Variants in IMMP2L observed in about 807,000 individuals in gnomAD.
IMMP2L encodes the protein mitochondrial inner membrane protease subunit 2.
IMMP2L carries 18 observed loss-of-function variants against 19.3 expected under a neutral mutation model. The observed-to-expected ratio is 0.93, with a 90% confidence interval of 0.64 to 1.38. The LOEUF (loss-of-function observed/expected upper bound fraction) is 1.38, where lower values mean the gene tolerates loss of function less well. Ranked by LOEUF, IMMP2L falls within the 40% of genes most tolerant of loss-of-function variation. The pLI, the probability that IMMP2L is intolerant of heterozygous loss-of-function variation, is 0.00. For missense variants in IMMP2L, 233 were observed against 218.2 expected (o/e 1.07, Z -0.43); for synonymous variants, 76 against 73.0 (o/e 1.04, Z -0.21).
chr7:110,859,162 A>ATT (rs1476840310), intron 5 of IMMP2L, among the ~76,000 whole-genome samples: 1 of 152,120 alleles, frequency 6.6e-6, no homozygotes, highest in Admixed American at 6.6e-5. Context: ...CCAAGCAAAC[A>ATT]TTTTGTGATA....
intron 3 of IMMP2L, among the ~76,000 whole-genome samples, chr7:111,033,918 C>A (rs371685644): frequency 1.2e-4 from 19 of 152,142 alleles, no homozygotes; most frequent in South Asian, 4.2e-4. Context: ...GAACATTGCT[C>A]AGCTATAAAA....
At chr7:111,525,329 G>T (rs1004358708) in intron 1 of IMMP2L, among the ~76,000 whole-genome samples, 1 of 152,098 alleles carries the variant, frequency 6.6e-6, no homozygotes, top group Admixed American at 6.6e-5. Context: ...ACAGGAAGTG[G>T]AAGAGCACAG....
At chr7:111,322,313 G>A (rs1186152678) in intron 3 of IMMP2L, among the ~76,000 whole-genome samples, 1 of 151,868 alleles carries the variant, frequency 6.6e-6, no homozygotes, top group African/African-American at 2.4e-5. Flanking sequence ...ATTTATTGAG[G>A]TCGAATTGAC....
intron 3 of IMMP2L, among the ~76,000 whole-genome samples, chr7:111,250,603 G>A (rs1028394741): frequency 3.9e-5 from 6 of 151,980 alleles, no homozygotes; most frequent in African/African-American, 7.2e-5. Context: ...AAGACTGCAC[G>A]TCTACAACCA....
chr7:111,177,033 G>GA (rs1035896508), intron 3 of IMMP2L, among the ~76,000 whole-genome samples: 4 of 151,500 alleles, frequency 2.6e-5, no homozygotes, highest in Non-Finnish European at 4.4e-5. Context: ...AAATGTTGAT[G>GA]AAAAAAAAGA....
rs547581796 is a variant in IMMP2L, at chr7:110,757,626, C to T, written c.409-93905G>A. On this transcript the variant is annotated intron_variant, in intron 5 of 5. Coordinates refer to ENST00000405709, the MANE Select transcript of IMMP2L (RefSeq NM_032549.4). This position sits in a 1 kb window ranked among gnomAD's most constrained non-coding sequence, Gnocchi z 4.2. ...GGCCTGTCTACCCATATCTCATATA[C>T]CGGGTTCTATAAGTGCTCCCAGCCC... is the stretch of plus-strand genomic sequence containing the variant. Among the ~76,000 whole-genome samples, 1 of 152,108 alleles carries T rather than the reference C, an allele frequency of 6.6e-6. No homozygotes were observed. The highest frequency in any genetic ancestry group is 2.4e-5 in the African/African-American group (1 of 41,426).
At chr7:111,047,186 GT>G (rs68112726) in intron 3 of IMMP2L, among the ~76,000 whole-genome samples, 24,788 of 149,988 alleles carry the variant, frequency 0.17, 3,465 homozygotes, top group African/African-American at 0.38. Context: ...TTTTTTTTTT[GT>G]TTTTTTTTTG....
chr7:111,208,051 T>C (rs1017182747), intron 3 of IMMP2L, among the ~76,000 whole-genome samples: 4 of 152,166 alleles, frequency 2.6e-5, no homozygotes, highest in African/African-American at 4.8e-5. Flanking sequence ...TATTATTAGC[T>C]TCCAGGATTC....
At chr7:110,811,122 T>C (rs1448980907) in intron 5 of IMMP2L, among the ~76,000 whole-genome samples, 1 of 152,054 alleles carries the variant, frequency 6.6e-6, no homozygotes, top group Non-Finnish European at 1.5e-5. Flanking sequence ...TTGCTTGACA[T>C]GTACTCGGGT....
At chr7:111,183,207 T>C (rs1055688105) in intron 3 of IMMP2L, among the ~76,000 whole-genome samples, 2 of 152,112 alleles carry the variant, frequency 1.3e-5, no homozygotes, top group African/African-American at 4.8e-5. Context: ...ATAAACATTG[T>C]GTTTTTATGA....
rs748450611 is a variant in IMMP2L, at chr7:111,521,430, C to T, written c.18G>A (p.Gly6=). 2 of 1,611,170 alleles carry T rather than the reference C, an allele frequency of 1.2e-6. No homozygotes were observed. The highest frequency in any genetic ancestry group is 1.1e-5 in the South Asian group (1 of 90,818). The part of the protein sequence containing the change: MAQSQ[G]WVKRYIKAFC... Reference sequence around the variant, plus strand: ...AGGCCTTGATGTATCTTTTCACCCACCCTTGTGACTGTGCCATACCTAAAA... The same window carrying T: ...AGGCCTTGATGTATCTTTTCACCCATCCTTGTGACTGTGCCATACCTAAAA... The change falls in exon 2 of 6, where the codon GGG becomes GGA. Residue 6 remains glycine, a synonymous_variant. Transcript: ENST00000405709.
intron 2 of IMMP2L, among the ~76,000 whole-genome samples, chr7:111,491,628 C>T (rs1488122993): frequency 6.6e-6 from 1 of 152,094 alleles, no homozygotes; most frequent in Non-Finnish European, 1.5e-5. Context: ...AGGAATGGAG[C>T]TTTTGTCATC....
chr7:110,761,886 A>G (rs1798369892), intron 5 of IMMP2L, among the ~76,000 whole-genome samples: 1 of 152,178 alleles, frequency 6.6e-6, no homozygotes, highest in Admixed American at 6.6e-5. Flanking sequence ...TCAGGTCTAC[A>G]TAACATACCT....
At chr7:111,420,700 T>G (rs945500469) in intron 3 of IMMP2L, among the ~76,000 whole-genome samples, 1 of 151,616 alleles carries the variant, frequency 6.6e-6, no homozygotes, top group Non-Finnish European at 1.5e-5. Context: ...AATGATGGTT[T>G]CCAGCTTCAG....
In IMMP2L at chr7:110,728,406, C is replaced by T. The variant is rs756782056; in HGVS notation, c.409-64685G>A. 3.3e-5 allele frequency among the ~76,000 whole-genome samples: 5 copies of T among 151,698 alleles called. No homozygotes were observed. Among genetic ancestry groups the T allele is most frequent in the East Asian group, 1.9e-4 (1 of 5,158 alleles). Reference sequence around the variant, plus strand: ...CCCAGCTACTCGGGAGGCTGAGGCACGAGAATCGCTTGAACCTGGGAGGCA... The same window carrying T: ...CCCAGCTACTCGGGAGGCTGAGGCATGAGAATCGCTTGAACCTGGGAGGCA... On this transcript the variant is annotated intron_variant, in intron 5 of 5. Coordinates refer to ENST00000405709, the MANE Select transcript of IMMP2L (RefSeq NM_032549.4). The surrounding 1 kb of genome is among the most constrained non-coding windows in gnomAD (Gnocchi z 4.6).
intron 2 of IMMP2L, among the ~76,000 whole-genome samples, chr7:111,500,558 G>C (rs1298635760): frequency 2.0e-5 from 3 of 152,212 alleles, no homozygotes; most frequent in Non-Finnish European, 4.4e-5. Context: ...GCATCCGCCA[G>C]TACGGGCAGA....
At chr7:110,867,808 A>G (rs1808131773) in intron 5 of IMMP2L, among the ~76,000 whole-genome samples, 2 of 152,028 alleles carry the variant, frequency 1.3e-5, no homozygotes, top group African/African-American at 4.8e-5. Flanking sequence ...TTTCAAAAAT[A>G]AGCATGACTA....
At chr7:110,800,767 T>C (rs1373178669) in intron 5 of IMMP2L, among the ~76,000 whole-genome samples, 2 of 152,062 alleles carry the variant, frequency 1.3e-5, no homozygotes, top group Non-Finnish European at 2.9e-5. Flanking sequence ...TTTGACCCTA[T>C]CCAGGTTACT....
At chr7:111,205,784 T>C (rs1300305536) in intron 3 of IMMP2L, among the ~76,000 whole-genome samples, 1 of 152,142 alleles carries the variant, frequency 6.6e-6, no homozygotes, top group East Asian at 1.9e-4. Context: ...CTATACTGAG[T>C]TCCACAGAGG....
Sources: allele counts gnomAD v4.1 joint callset (sites outside exome capture counted in the v4.1 genomes callset), GRCh38; gene constraint gnomAD v4.1.1; non-coding constraint Gnocchi (gnomAD v3.1); transcripts MANE v1.5; gene names NCBI Gene and HGNC (gene_info 2026-07-23, HGNC 2026-07-21).